AIM2: variants seen among roughly 807,000 people sequenced by gnomAD.
AIM2 encodes interferon-inducible protein AIM2.
Under a neutral mutation model 27.7 loss-of-function variants are expected in AIM2, and 30 were observed. The ratio of observed to expected loss-of-function variants is 1.08; its 90% CI spans 0.81 to 1.47. The LOEUF is 1.47. Among genes scored for constraint, AIM2 ranks in the 40% most tolerant of loss-of-function variants. The pLI, the probability that AIM2 is intolerant of heterozygous loss-of-function variation, is 0.00. For synonymous variants in AIM2, 141 were observed against 145.3 expected, an observed-to-expected ratio of 0.97 and a Z score of 0.21; for missense variants, 358 against 411.3, an observed-to-expected ratio of 0.87 and a Z score of 1.12.
chr1:159,080,913 CAG>C (rs1338971519), upstream of AIM2, among the ~76,000 whole-genome samples: 1 of 152,064 alleles, frequency 6.6e-6, no homozygotes, highest in Non-Finnish European at 1.5e-5. Flanking sequence ...GTTCAAAAGA[CAG>C]AGCCACAGGC....
intron 1 of AIM2, among the ~76,000 whole-genome samples, chr1:159,108,632 AC>A (rs1162691642): frequency 6.6e-6 from 1 of 152,136 alleles, no homozygotes; most frequent in East Asian, 1.9e-4. Flanking sequence ...TCATAATTTA[AC>A]TAGAAAACCC....
chr1:159,111,023 A>G (rs1657562351), intron 1 of AIM2, among the ~76,000 whole-genome samples: 1 of 152,118 alleles, frequency 6.6e-6, no homozygotes, highest in Non-Finnish European at 1.5e-5. Context: ...AACAACGCTT[A>G]TTGGGGATGG....
At chr1:159,146,934 A>T (rs1183649880) in intron 1 of AIM2, 1 of 152,024 alleles carries the variant, frequency 6.6e-6, no homozygotes, top group Admixed American at 6.6e-5. Flanking sequence ...ATCTCCTTAA[A>T]TCTTCAACTT....
intron 1 of AIM2, among the ~76,000 whole-genome samples, chr1:159,104,689 G>A (rs537296485): frequency 5.7e-4 from 87 of 152,036 alleles, no homozygotes; most frequent in South Asian, 1.2e-3. Flanking sequence ...AATTGACTTC[G>A]TTCGTCTCTT....
chr1:159,066,372 G>A, intron 3 of AIM2, 43 bp from the exon 4 acceptor site: 2 of 1,563,344 alleles, frequency 1.3e-6, no homozygotes, highest in Non-Finnish European at 1.7e-6. Flanking sequence ...AGTCAAAAAG[G>A]TACTATTGAA....
chr1:159,090,321 AT>A (rs1221115057), intron 1 of AIM2, among the ~76,000 whole-genome samples: 5 of 152,252 alleles, frequency 3.3e-5, no homozygotes, highest in African/African-American at 1.2e-4. Context: ...GTCACTTTAA[AT>A]AAAGTGCAGG....
chr1:159,088,343 C>A (rs997860628), intron 1 of AIM2, among the ~76,000 whole-genome samples: 1 of 152,084 alleles, frequency 6.6e-6, no homozygotes, highest in Non-Finnish European at 1.5e-5. Flanking sequence ...GAAGGAATGC[C>A]AGGATTCAGG....
At chr1:159,071,441 A>G (rs1023190160) in intron 2 of AIM2, among the ~76,000 whole-genome samples, 2 of 152,258 alleles carry the variant, frequency 1.3e-5, no homozygotes, top group African/African-American at 4.8e-5. Flanking sequence ...GTCCGTGGAT[A>G]GAATTTTAGA....
chr1:159,104,576 G>A (rs1392675290), intron 1 of AIM2, among the ~76,000 whole-genome samples: 1 of 152,102 alleles, frequency 6.6e-6, no homozygotes, highest in East Asian at 1.9e-4. Flanking sequence ...AGACTTCAAA[G>A]ACTTAATACA....
chr1:159,070,831 T>C (rs1453667943), intron 2 of AIM2, among the ~76,000 whole-genome samples: 2 of 152,186 alleles, frequency 1.3e-5, no homozygotes, highest in Non-Finnish European at 2.9e-5. Flanking sequence ...CAGAAAGGTA[T>C]GCAGATAAAG....
At chr1:159,099,325 A>T (rs1657264344) in intron 1 of AIM2, among the ~76,000 whole-genome samples, 1 of 152,170 alleles carries the variant, frequency 6.6e-6, no homozygotes, top group Non-Finnish European at 1.5e-5. Context: ...GAAATGTTCA[A>T]ATTTTATTGT....
chr1:159,144,018 A>G (rs889210652), upstream of AIM2, among the ~76,000 whole-genome samples: 3 of 152,220 alleles, frequency 2.0e-5, no homozygotes, highest in Admixed American at 1.3e-4. Context: ...AGGAAGTTGT[A>G]TAACTTACTT....
At chr1:159,080,911 G>C (rs1319551303), upstream of AIM2, among the ~76,000 whole-genome samples, 1 of 152,024 alleles carries the variant, frequency 6.6e-6, no homozygotes, top group Non-Finnish European at 1.5e-5. Context: ...GAGTTCAAAA[G>C]ACAGAGCCAC....
At chr1:159,062,771 T>G in intron 5 of AIM2, 53 bp from the exon 6 acceptor site, 1 of 1,555,666 alleles carries the variant, frequency 6.4e-7, no homozygotes. Flanking sequence ...GAGTGGCCCC[T>G]CCACTGTTTG....
intron 1 of AIM2, among the ~76,000 whole-genome samples, chr1:159,114,116 T>C (rs1009183159): frequency 3.3e-5 from 5 of 152,136 alleles, no homozygotes; most frequent in Non-Finnish European, 7.4e-5. Context: ...TTTCCCAGAT[T>C]TCAAGGGAGT....
chr1:159,143,856 G>A (rs570864119), upstream of AIM2, among the ~76,000 whole-genome samples: 23 of 152,210 alleles, frequency 1.5e-4, no homozygotes, highest in South Asian at 1.2e-3. Flanking sequence ...TTCTACTCTC[G>A]AGAATCCCAT....
intron 1 of AIM2, among the ~76,000 whole-genome samples, chr1:159,101,494 C>A (rs1185813257): frequency 2.6e-5 from 4 of 152,070 alleles, no homozygotes; most frequent in African/African-American, 7.2e-5. Context: ...TGTAAAGATA[C>A]CCGAAAATGT....
intron 1 of AIM2, among the ~76,000 whole-genome samples, chr1:159,095,803 T>G (rs916389355): frequency 6.6e-6 from 1 of 152,162 alleles, no homozygotes; most frequent in Non-Finnish European, 1.5e-5. Flanking sequence ...CCTAAGAAGG[T>G]AAGACCACTG....
chr1:159,081,030 T>G (rs1656764324), upstream of AIM2: 1 of 162,540 alleles, frequency 6.2e-6, no homozygotes, highest in Admixed American at 6.4e-5. Flanking sequence ...ATGCATCTTC[T>G]CTACAGAAAA....
Sources: gnomAD v4.1 joint callset for allele counts (sites outside exome capture counted in the v4.1 genomes callset) on GRCh38, gnomAD v4.1.1 for gene constraint, MANE v1.5 for transcripts, NCBI Gene and HGNC (gene_info 2026-07-23, HGNC 2026-07-21) for gene names.